Variants in OXR1 observed in about 807,000 individuals in gnomAD.
OXR1 encodes the protein oxidation resistance protein 1.
In OXR1, 41 loss-of-function variants were observed where a neutral mutation model predicts 104.6. That is an observed-to-expected ratio of 0.39 (90% CI 0.31 to 0.51). The LOEUF is 0.51. Ranked by LOEUF, OXR1 falls within the 20% of genes least tolerant of loss-of-function variation. The pLI is 0.77. For missense variants in OXR1, 955 were observed against 1,031.9 expected, an observed-to-expected ratio of 0.93 and a Z score of 1.02; for synonymous variants, 348 against 348.4, an observed-to-expected ratio of 1.00 and a Z score of 0.01.
intron 1 of OXR1, among the ~76,000 whole-genome samples, chr8:106,298,390 A>C (rs145758306): frequency 6.6e-6 from 1 of 152,272 alleles, no homozygotes; most frequent in African/African-American, 2.4e-5. Context: ...AGATCTTGTG[A>C]GACTTATTCA....
rs1563716202 is a variant in OXR1, at chr8:106,694,603, AATATAT to A, written c.675+1727_675+1732del. On this transcript the variant is annotated intron_variant, in intron 7 of 16. Coordinates refer to ENST00000517566, the MANE Select transcript of OXR1 (RefSeq NM_001198533.2). ...AATGTTTATATATATTTGATATATA[AATATAT>A]GTTTATATATATTTGATATATAAAT... 1.8e-4 allele frequency among the ~76,000 whole-genome samples: 9 copies of A among 51,302 alleles called. No individual in the cohort carries two copies. In the South Asian group the frequency reaches 3.8e-3, roughly 22 times the overall value. 33.7% of individuals were successfully genotyped at this position (51,302 alleles called of 152,430 possible). A position where few individuals can be genotyped will look rare whatever the true frequency, so the allele number is the denominator to read the frequency against.
intron 3 of OXR1, among the ~76,000 whole-genome samples, chr8:106,678,637 ATAT>A (rs1827834570): frequency 1.3e-5 from 2 of 152,056 alleles, no homozygotes; most frequent in Non-Finnish European, 2.9e-5. Context: ...CAAATGAAAA[ATAT>A]TAATAATTGG....
chr8:106,441,397 A>C (rs895565658), intron 2 of OXR1, among the ~76,000 whole-genome samples: 1 of 151,910 alleles, frequency 6.6e-6, no homozygotes, highest in African/African-American at 2.4e-5. Flanking sequence ...TCTTGGCTAT[A>C]TGGGGTTCTT....
At chr8:106,685,759 C>T (rs1283986306) in intron 6 of OXR1, among the ~76,000 whole-genome samples, 1 of 151,078 alleles carries the variant, frequency 6.6e-6, no homozygotes, top group African/African-American at 2.4e-5. Flanking sequence ...CCATTTGATC[C>T]AGCAATCTCA....
At chr8:106,682,773 CAG>C (rs1420005819) in intron 4 of OXR1, among the ~76,000 whole-genome samples, 2 of 152,142 alleles carry the variant, frequency 1.3e-5, no homozygotes, top group African/African-American at 4.8e-5. Flanking sequence ...TGTGCAATGA[CAG>C]AATATATGCA....
chr8:106,405,908 T>A (rs994010783), intron 2 of OXR1, among the ~76,000 whole-genome samples: 1 of 152,214 alleles, frequency 6.6e-6, no homozygotes, highest in South Asian at 2.1e-4. Context: ...TATGCAGTGA[T>A]AGATAACTGA....
chr8:106,462,223 G>A (rs1820952032), intron 2 of OXR1, among the ~76,000 whole-genome samples: 1 of 152,104 alleles, frequency 6.6e-6, no homozygotes, highest in Non-Finnish European at 1.5e-5. Context: ...GAGAACTTAA[G>A]TTAGATTTCC....
At chr8:106,564,269 A>G (rs1221778343) in intron 3 of OXR1, among the ~76,000 whole-genome samples, 1 of 152,164 alleles carries the variant, frequency 6.6e-6, no homozygotes, top group Non-Finnish European at 1.5e-5. Flanking sequence ...GAGAATAATC[A>G]AATAGACACA....
chr8:106,743,999 A>G (rs1262050785), intron 15 of OXR1, among the ~76,000 whole-genome samples: 7 of 152,226 alleles, frequency 4.6e-5, no homozygotes, highest in Non-Finnish European at 1.5e-5. Flanking sequence ...ATGAGAACAC[A>G]TGGACACATT....
rs565295330 is a variant in OXR1, at chr8:106,299,143, C to T, written c.-139+28776C>T. On this transcript the variant is annotated intron_variant, in intron 1 of 16. Transcript: ENST00000517566. ...TTACTTTATCACTTTGTGTTCATCG[C>T]AGATTAACTGCACCTCTCCTTTACC... Among the ~76,000 whole-genome samples the T allele has an allele frequency of 5.3e-5, 8 of 152,136 alleles. No homozygotes were observed. In the East Asian group the frequency reaches 7.7e-4, roughly 15 times the overall value.
At chr8:106,621,133 G>T (rs1304847762) in intron 3 of OXR1, among the ~76,000 whole-genome samples, 12 of 152,078 alleles carry the variant, frequency 7.9e-5, no homozygotes, top group Admixed American at 7.2e-4. Flanking sequence ...AGTGCTGAAT[G>T]CATGCCAATC....
Position 106,683,310 on chromosome 8 carries a change from G to A in OXR1, c.411+4G>A, listed in dbSNP as rs1828361839. 1.4e-6 allele frequency: 2 copies of A among 1,429,116 alleles called. No individual in the cohort carries two copies. Among genetic ancestry groups the A allele is most frequent in the Non-Finnish European group, 2.0e-6 (2 of 1,013,708 alleles). The allele number at this position is 1,429,116 out of a possible 1,614,324, so 88.5% of individuals were successfully genotyped here. A position where few individuals can be genotyped will look rare whatever the true frequency, so the allele number is the denominator to read the frequency against. Reference sequence around the variant, plus strand: ...CCGAGCAGTTGTTACTGGACAGGTAGTATCTTTTTTTTAATGTGCTGATGT... The same window carrying A: ...CCGAGCAGTTGTTACTGGACAGGTAATATCTTTTTTTTAATGTGCTGATGT... On this transcript the variant is annotated splice_donor_region_variant and intron_variant, in intron 5 of 16. Coordinates refer to ENST00000517566, the MANE Select transcript of OXR1 (RefSeq NM_001198533.2).
At chr8:106,410,927 C>G (rs6990573) in intron 2 of OXR1, among the ~76,000 whole-genome samples, 1 of 152,028 alleles carries the variant, frequency 6.6e-6, no homozygotes, top group Admixed American at 6.6e-5. Context: ...TTATATTCAT[C>G]CAATTATTCA....
chr8:106,281,350 G>A (rs1242845543), intron 1 of OXR1, among the ~76,000 whole-genome samples: 2 of 152,180 alleles, frequency 1.3e-5, no homozygotes, highest in Non-Finnish European at 2.9e-5. Flanking sequence ...AATAGTCATG[G>A]ATTCCACAGA....
At chr8:106,673,115 A>G (rs974662030) in intron 3 of OXR1, among the ~76,000 whole-genome samples, 2 of 152,204 alleles carry the variant, frequency 1.3e-5, no homozygotes, top group Non-Finnish European at 2.9e-5. Flanking sequence ...GAGGGCTCAG[A>G]AGAAGACAGG....
intron 15 of OXR1, among the ~76,000 whole-genome samples, chr8:106,744,065 G>A (rs1835175975): frequency 6.6e-6 from 1 of 152,196 alleles, no homozygotes; most frequent in Admixed American, 6.5e-5. Flanking sequence ...TGGGGAGGGA[G>A]AGGAGAGCAT....
intron 1 of OXR1, among the ~76,000 whole-genome samples, chr8:106,334,377 G>T (rs989293348): frequency 3.3e-5 from 5 of 152,000 alleles, no homozygotes; most frequent in Non-Finnish European, 7.4e-5. Context: ...GAATCCTTAG[G>T]ATATCTGCAA....
intron 3 of OXR1, among the ~76,000 whole-genome samples, chr8:106,606,559 G>A (rs1304258730): frequency 6.7e-6 from 1 of 149,442 alleles, no homozygotes; most frequent in Non-Finnish European, 1.5e-5. Flanking sequence ...TGATCCGCCC[G>A]CTTCAGCCTC....
intron 11 of OXR1, among the ~76,000 whole-genome samples, chr8:106,718,050 A>G (rs1040915083): frequency 6.6e-6 from 1 of 152,234 alleles, no homozygotes; most frequent in South Asian, 2.1e-4. Context: ...CTGTCTTCCA[A>G]TGCAAGTCAA....
Sources: gnomAD v4.1 joint callset for allele counts (sites outside exome capture counted in the v4.1 genomes callset) on GRCh38, gnomAD v4.1.1 for gene constraint, MANE v1.5 for transcripts, NCBI Gene and HGNC (gene_info 2026-07-23, HGNC 2026-07-21) for gene names.